The following NLGN1 variants were observed in gnomAD, a reference collection of about 807,000 sequenced individuals.
NLGN1 encodes the protein neuroligin 1, also known as neuroligin-1.
NLGN1 carries 12 observed loss-of-function variants against 65.5 expected under a neutral mutation model. The ratio of observed to expected loss-of-function variants is 0.18; its 90% confidence interval spans 0.12 to 0.30. The LOEUF (loss-of-function observed/expected upper bound fraction) is 0.30, where lower values mean the gene tolerates loss of function less well. Among genes scored for constraint, NLGN1 ranks in the 10% least tolerant of loss-of-function variants. The pLI, the probability that NLGN1 is intolerant of heterozygous loss-of-function variation, is 1.00. For synonymous variants in NLGN1, 350 were observed against 359.5 expected, an observed-to-expected ratio of 0.97 and a Z score of 0.30; for missense variants, 750 against 1,007.1, an observed-to-expected ratio of 0.74 and a Z score of 3.46.
At chr3:173,991,843 T>A (rs1355592075) in intron 4 of NLGN1, among the ~76,000 whole-genome samples, 1 of 152,052 alleles carries the variant, frequency 6.6e-6, no homozygotes, top group Non-Finnish European at 1.5e-5. Flanking sequence ...GACGGAGTCT[T>A]GCTCTGTCCC....
intron 4 of NLGN1, among the ~76,000 whole-genome samples, chr3:174,042,208 GAGA>G (rs988033628): frequency 1.4e-4 from 21 of 152,066 alleles, no homozygotes; most frequent in Non-Finnish European, 2.4e-4. Context: ...GTCTTTTGAT[GAGA>G]AGAAGTTTTA....
intron 4 of NLGN1, among the ~76,000 whole-genome samples, chr3:173,901,012 A>G (rs918852048): frequency 7.9e-5 from 12 of 152,072 alleles, no homozygotes; most frequent in African/African-American, 2.7e-4. Context: ...GCTGTTTAAG[A>G]AAACATCATA....
chr3:174,212,044 C>T (rs565090750), intron 4 of NLGN1, among the ~76,000 whole-genome samples: 6 of 152,156 alleles, frequency 3.9e-5, no homozygotes, highest in African/African-American at 1.4e-4. Flanking sequence ...CCGGGAGGCT[C>T]GGGCTGCACA....
chr3:174,234,087 A>G (rs537606478), intron 4 of NLGN1, among the ~76,000 whole-genome samples: 77 of 152,298 alleles, frequency 5.1e-4, no homozygotes, highest in African/African-American at 1.8e-3. Flanking sequence ...GTCTGCAGCA[A>G]CCTCAATTCT....
chr3:174,171,018 G>A (rs962416764), intron 4 of NLGN1, among the ~76,000 whole-genome samples: 1 of 151,996 alleles, frequency 6.6e-6, no homozygotes, highest in African/African-American at 2.4e-5. Flanking sequence ...TCTATTAATC[G>A]TCTTACTCAA....
chr3:173,424,554 A>C (rs373264573), intron 1 of NLGN1, among the ~76,000 whole-genome samples: 1 of 152,210 alleles, frequency 6.6e-6, no homozygotes, highest in African/African-American at 2.4e-5. Flanking sequence ...TGCTGCTTAG[A>C]AATTTCTTCC....
intron 4 of NLGN1, among the ~76,000 whole-genome samples, chr3:173,869,541 A>G (rs1289282764): frequency 6.6e-6 from 1 of 152,116 alleles, no homozygotes; most frequent in African/African-American, 2.4e-5. Flanking sequence ...CCCCAAATCT[A>G]CCATTAAGAG....
intron 3 of NLGN1, among the ~76,000 whole-genome samples, chr3:173,673,685 A>C (rs1321049104): frequency 1.3e-5 from 2 of 152,206 alleles, no homozygotes; most frequent in Non-Finnish European, 2.9e-5. Context: ...ACAACTAAAC[A>C]TCACAATGCA....
chr3:173,747,065 C>T (rs200627576), intron 3 of NLGN1, among the ~76,000 whole-genome samples: 70,653 of 131,134 alleles, frequency 0.54, 18,261 homozygotes, highest in East Asian at 0.75. Flanking sequence ...TATATACACA[C>T]ACACACACAC....
intron 3 of NLGN1, among the ~76,000 whole-genome samples, chr3:173,788,431 G>A (rs1231592888): frequency 6.6e-6 from 1 of 151,818 alleles, no homozygotes; most frequent in Non-Finnish European, 1.5e-5. Flanking sequence ...AATTTACTGT[G>A]TGATAGCAAA....
chr3:173,985,517 A>G (rs1446866092), intron 4 of NLGN1, among the ~76,000 whole-genome samples: 1 of 152,210 alleles, frequency 6.6e-6, no homozygotes, highest in East Asian at 1.9e-4. Context: ...CATTGAGTAA[A>G]CAATACAAGG....
intron 3 of NLGN1, among the ~76,000 whole-genome samples, chr3:173,665,315 T>G (rs146273505): frequency 3.9e-5 from 6 of 152,222 alleles, no homozygotes; most frequent in Non-Finnish European, 8.8e-5. Flanking sequence ...CCTGCCGCCA[T>G]GTGAAGAAGG....
At chr3:174,096,924 A>T (rs903366812) in intron 4 of NLGN1, among the ~76,000 whole-genome samples, 3 of 152,118 alleles carry the variant, frequency 2.0e-5, no homozygotes, top group Admixed American at 2.0e-4. Context: ...CTGGGAATGA[A>T]ATTTAAGAAA....
chr3:173,691,626 A>G (rs1765474544), intron 3 of NLGN1, among the ~76,000 whole-genome samples: 1 of 152,094 alleles, frequency 6.6e-6, no homozygotes, highest in South Asian at 2.1e-4. Context: ...GAGTTAGGAG[A>G]GACCTTAGAG....
At chr3:173,489,251 C>A (rs569766937) in intron 2 of NLGN1, among the ~76,000 whole-genome samples, 10 of 150,838 alleles carry the variant, frequency 6.6e-5, no homozygotes, top group African/African-American at 9.8e-5. Flanking sequence ...CACCCCACAA[C>A]AGGCCCCAGT....
chr3:173,705,090 C>A (rs1767849659), intron 3 of NLGN1, among the ~76,000 whole-genome samples: 1 of 152,112 alleles, frequency 6.6e-6, no homozygotes, highest in African/African-American at 2.4e-5. Flanking sequence ...CAAAAAGGCA[C>A]TGACAGCCTT....
At chr3:173,909,020 T>C (rs1739023990) in intron 4 of NLGN1, among the ~76,000 whole-genome samples, 2 of 152,162 alleles carry the variant, frequency 1.3e-5, no homozygotes, top group South Asian at 4.1e-4. Context: ...AGTATCCCTC[T>C]CTACCAGTGA....
At chr3:173,482,599 T>G (rs1727482123) in intron 2 of NLGN1, among the ~76,000 whole-genome samples, 1 of 152,018 alleles carries the variant, frequency 6.6e-6, no homozygotes, top group African/African-American at 2.4e-5. Flanking sequence ...ACATGGTCTC[T>G]TAATTTTTTG....
At chr3:173,690,148 C>T (rs553624901) in intron 3 of NLGN1, among the ~76,000 whole-genome samples, 1 of 152,092 alleles carries the variant, frequency 6.6e-6, no homozygotes, top group African/African-American at 2.4e-5. Flanking sequence ...ATTTTATAGG[C>T]GACACTTAAA....
Sources: allele counts gnomAD v4.1 joint callset (sites outside exome capture counted in the v4.1 genomes callset), GRCh38; gene constraint gnomAD v4.1.1; transcripts MANE v1.5; gene names NCBI Gene and HGNC (gene_info 2026-07-23, HGNC 2026-07-21).